Variants in UVSSA observed in about 807,000 individuals in gnomAD.
The protein encoded by UVSSA is UV-stimulated scaffold protein A.
Under a neutral mutation model 73.9 loss-of-function variants are expected in UVSSA, and 72 were observed. That is an observed-to-expected ratio of 0.97 (90% CI 0.81 to 1.19). UVSSA has a LOEUF of 1.19. Among genes scored for constraint, UVSSA ranks in the 50% most tolerant of loss-of-function variants. UVSSA has a pLI of 0.00. For missense variants in UVSSA, 1,150 were observed against 965.0 expected, an observed-to-expected ratio of 1.19 and a Z score of -2.54; for synonymous variants, 454 against 391.3, an observed-to-expected ratio of 1.16 and a Z score of -1.89.
chr4:1,375,496 C>T lies in UVSSA; in HGVS notation c.1421C>T (p.Pro474Leu). 8 of 1,610,410 alleles carry T rather than the reference C, an allele frequency of 5.0e-6. No individual in the cohort carries two copies. Among genetic ancestry groups the T allele is most frequent in the Non-Finnish European group, 6.8e-6 (8 of 1,179,728 alleles). The change falls in exon 9 of 14, where the codon CCC becomes CTC. Residue 474 changes from proline (P) to leucine (L), a missense_variant. By Grantham distance (98) the Pro-to-Leu change is moderately conservative. Coordinates refer to ENST00000389851, the MANE Select transcript of UVSSA (RefSeq NM_020894.4). ...CAGCTCCGGGACCACTTGCCTCCAC[C>T]CTCATCTGCCAGGTGACTCCCAGTG... The part of the protein sequence containing the change: ...LRQLRDHLPP[P>L]SSASPSRALP...
intron 2 of UVSSA, 80 bp from the exon 3 acceptor site, chr4:1,349,444 C>T (rs945822838): frequency 2.2e-5 from 30 of 1,350,618 alleles, no homozygotes; most frequent in Admixed American, 1.9e-5. Context: ...CACGTGCGTG[C>T]GGCATCCATG....
upstream of UVSSA, among the ~76,000 whole-genome samples, chr4:1,342,399 A>G (rs183789166): frequency 2.2e-4 from 34 of 152,312 alleles, no homozygotes; most frequent in Non-Finnish European, 3.8e-4. Flanking sequence ...CTCATTTTAA[A>G]TTGCATTATC....
chr4:1,374,129 A>G (rs1438312302), intron 8 of UVSSA, among the ~76,000 whole-genome samples: 1 of 152,124 alleles, frequency 6.6e-6, no homozygotes, highest in Non-Finnish European at 1.5e-5. Flanking sequence ...CTTCCATGGC[A>G]GCTCTCCGAA....
intron 10 of UVSSA, 115 bp downstream of exon 10, chr4:1,376,283 C>T (rs1224772768): frequency 1.1e-5 from 16 of 1,393,634 alleles, no homozygotes; most frequent in Non-Finnish European, 1.5e-5. Context: ...CCCTGCCTCC[C>T]AGCTCTGCCC....
At chr4:1,355,921 G>A (rs975297048) in intron 7 of UVSSA, among the ~76,000 whole-genome samples, 1 of 152,182 alleles carries the variant, frequency 6.6e-6, no homozygotes, top group Non-Finnish European at 1.5e-5. Context: ...CAGGGACCTT[G>A]AACTGGCTGA....
chr4:1,365,795 T>C (rs927708535), intron 7 of UVSSA, among the ~76,000 whole-genome samples: 1 of 152,090 alleles, frequency 6.6e-6, no homozygotes, highest in Non-Finnish European at 1.5e-5. Flanking sequence ...GGTGGGAAGA[T>C]AACTCACCTA....
upstream of UVSSA, among the ~76,000 whole-genome samples, chr4:1,345,671 A>AG (rs1713610864): frequency 7.0e-6 from 1 of 142,288 alleles, no homozygotes. Context: ...AAAAAAAAAA[A>AG]AAAGGCTGCA....
intron 5 of UVSSA, chr4:1,354,457 C>T (rs1348988277): frequency 4.3e-6 from 2 of 468,952 alleles, no homozygotes; most frequent in South Asian, 2.2e-5. Flanking sequence ...TGGGTGGTCT[C>T]GCCCTCCAGA....
chr4:1,349,896 A>T (rs1431098387), intron 3 of UVSSA, 42 bp downstream of exon 3: 1 of 1,471,862 alleles, frequency 6.8e-7, no homozygotes, highest in Non-Finnish European at 9.0e-7. Context: ...TGGTTACCTG[A>T]CGTGAGGAGG....
chr4:1,373,020 T>G (rs1271650894), intron 8 of UVSSA, among the ~76,000 whole-genome samples: 1 of 152,240 alleles, frequency 6.6e-6, no homozygotes, highest in East Asian at 1.9e-4. Context: ...TCAAAAGGCC[T>G]TGTCTCCATG....
chr4:1,375,450 T>TCTGCGGCTGCTCAG lies in UVSSA; in HGVS notation c.1383_1396dup (p.Gln466LeufsTer123). The TCTGCGGCTGCTCAG allele has an allele frequency of 6.2e-7, 1 of 1,613,164 alleles. No individual in the cohort carries two copies. The highest frequency in any genetic ancestry group is 8.5e-7 in the Non-Finnish European group (1 of 1,179,982). ...GGACGAGGAGGTGTCGGACCCCACC[T>TCTGCGGCTGCTCAG]CTGCGGCTGCTCAGCTGCGGCAGCT... On this transcript the variant is annotated frameshift_variant, in exon 9 of 14. Transcript: ENST00000389851. LOFTEE classifies it high-confidence loss of function.
chr4:1,385,802 C>T lies in UVSSA; in HGVS notation c.2037-66C>T, dbSNP rs570475439. On this transcript the variant is annotated intron_variant, in intron 13 of 13. Transcript: ENST00000389851. ...GACCAGTGCCTAACTTTGGTGATGC[C>T]GCCACTGGGAGCCCAGGCCCCTGGC... 1,084 of 1,559,262 alleles carry T rather than the reference C, an allele frequency of 7.0e-4. 6 individuals are homozygous for T. The South Asian group carries it at 0.011, about 16-fold the overall frequency.
exon 14 of UVSSA, chr4:1,394,187 T>C: frequency 2.1e-6 from 1 of 481,776 alleles, no homozygotes; most frequent in Non-Finnish European, 3.7e-6. Flanking sequence ...TGTGCCTGTG[T>C]GGGCACAGCC....
chr4:1,346,782 C>A (rs1713747747), upstream of UVSSA, among the ~76,000 whole-genome samples: 2 of 152,122 alleles, frequency 1.3e-5, no homozygotes, highest in South Asian at 4.1e-4. Flanking sequence ...CAGACCGGAA[C>A]TTCCTTTCGG....
At chr4:1,382,766 G>A (rs553742554) in intron 12 of UVSSA, among the ~76,000 whole-genome samples, 92 of 152,314 alleles carry the variant, frequency 6.0e-4, no homozygotes, top group Non-Finnish European at 1.0e-3. Flanking sequence ...CTGGCCATCC[G>A]TCCGAGATGT....
chr4:1,352,601 C>G (rs4974605), intron 4 of UVSSA, among the ~76,000 whole-genome samples: 67,285 of 152,196 alleles, frequency 0.44, 15,684 homozygotes, highest in Non-Finnish European at 0.52. Context: ...CAGAGGTACA[C>G]AGAGATTGCC....
intron 7 of UVSSA, chr4:1,358,374 C>T (rs1191481494): frequency 6.6e-6 from 1 of 152,326 alleles, no homozygotes; most frequent in Admixed American, 6.5e-5. Context: ...TTGAGGATGT[C>T]ACAGCTCCGG....
chr4:1,395,832 C>T (rs773132222), exon 14 of UVSSA: 20 of 1,613,570 alleles, frequency 1.2e-5, no homozygotes, highest in East Asian at 2.2e-5. Context: ...TTATATTTCT[C>T]TGCACCTCGA....
chr4:1,364,403 G>T (rs1027988012), intron 7 of UVSSA, among the ~76,000 whole-genome samples: 15 of 151,642 alleles, frequency 9.9e-5, no homozygotes, highest in African/African-American at 3.6e-4. Flanking sequence ...TGGGCTTGGA[G>T]CCGCAGTCCC....
Sources: gnomAD v4.1 joint callset for allele counts (sites outside exome capture counted in the v4.1 genomes callset) on GRCh38, gnomAD v4.1.1 for gene constraint, MANE v1.5 for transcripts, NCBI Gene and HGNC (gene_info 2026-07-23, HGNC 2026-07-21) for gene names.